Variants in ERI1 observed in about 807,000 individuals in gnomAD.
ERI1 encodes 3'-5' exoribonuclease 1.
In ERI1, 39 loss-of-function variants were observed where a neutral mutation model predicts 39.7. The observed-to-expected ratio is 0.98, with a 90% confidence interval of 0.76 to 1.28. ERI1 has a LOEUF of 1.28. Ranked by LOEUF, ERI1 falls within the 50% of genes most tolerant of loss-of-function variation. ERI1 has a pLI of 0.00. For synonymous variants in ERI1, 204 were observed against 149.6 expected, an observed-to-expected ratio of 1.36 and a Z score of -2.65; for missense variants, 581 against 416.9, an observed-to-expected ratio of 1.39 and a Z score of -3.43.
At chr8:9,075,149 A>T (rs1015702909) in intron 3 of ERI1, among the ~76,000 whole-genome samples, 1 of 152,228 alleles carries the variant, frequency 6.6e-6, no homozygotes, top group African/African-American at 2.4e-5. Flanking sequence ...TTCTAAATGA[A>T]TCTGACTATG....
intron 3 of ERI1, among the ~76,000 whole-genome samples, chr8:9,053,777 T>C (rs1261011930): frequency 6.6e-6 from 1 of 152,212 alleles, no homozygotes; most frequent in African/African-American, 2.4e-5. Context: ...CAGTGAATGT[T>C]AGAGAATTGA....
intron 3 of ERI1, among the ~76,000 whole-genome samples, chr8:9,095,149 A>G (rs1173227916): frequency 6.6e-6 from 1 of 152,222 alleles, no homozygotes; most frequent in Admixed American, 6.5e-5. Flanking sequence ...GCATGAGAGC[A>G]TCTGGCACGC....
rs181404252 is a variant in ERI1, at chr8:9,087,660, T to A, written n.300-28688T>A. On this transcript the variant is annotated intron_variant and non_coding_transcript_variant, in intron 3 of 3. Transcript: ENST00000518663. ...CACACGCAGATACAGACATCTTAGT[T>A]TGGAGATGTAGCAACACATTTCAAT... Among the ~76,000 whole-genome samples the A allele has an allele frequency of 6.8e-4, 103 of 152,302 alleles. 3 individuals carry two copies. The highest frequency in any genetic ancestry group is 6.7e-3 in the Admixed American group (102 of 15,296).
At chr8:9,097,553 C>T (rs183918700) in intron 3 of ERI1, among the ~76,000 whole-genome samples, 12 of 151,848 alleles carry the variant, frequency 7.9e-5, no homozygotes, top group African/African-American at 2.9e-4. Flanking sequence ...CCTGTAGTCC[C>T]AGCTACGCAG....
At chr8:9,056,108 C>T (rs917650212) in intron 3 of ERI1, among the ~76,000 whole-genome samples, 4 of 152,204 alleles carry the variant, frequency 2.6e-5, no homozygotes, top group Non-Finnish European at 5.9e-5. Context: ...TGCCTATGTG[C>T]TATGGGTTCC....
intron 3 of ERI1, among the ~76,000 whole-genome samples, chr8:9,079,453 A>AGG (rs1799307102): frequency 6.6e-6 from 1 of 152,232 alleles, no homozygotes; most frequent in Non-Finnish European, 1.5e-5. Flanking sequence ...AGCTATTTTA[A>AGG]ATAATGCAAA....
At chr8:9,061,108 C>T (rs1286774666) in intron 3 of ERI1, among the ~76,000 whole-genome samples, 1 of 152,112 alleles carries the variant, frequency 6.6e-6, no homozygotes. Context: ...GGAGCGGTAG[C>T]CTCAGTGATA....
chr8:9,015,121 G>C (rs12676024), intron 3 of ERI1, among the ~76,000 whole-genome samples: 3,772 of 152,278 alleles, frequency 0.025, 130 homozygotes, highest in East Asian at 0.19. Context: ...ACAGGCATTA[G>C]TCACCACATC....
chr8:9,058,133 G>C (rs1200105744), intron 3 of ERI1, among the ~76,000 whole-genome samples: 2 of 152,200 alleles, frequency 1.3e-5, no homozygotes, highest in African/African-American at 4.8e-5. Context: ...GGGGTCAAAG[G>C]CAGGAGCTGG....
chr8:9,061,636 T>G (rs1003519791), intron 3 of ERI1, among the ~76,000 whole-genome samples: 3 of 152,322 alleles, frequency 2.0e-5, no homozygotes, highest in African/African-American at 7.2e-5. Context: ...GCACTAACCA[T>G]GCCTGGGAAG....
chr8:9,014,837 G>C (rs1563317183), intron 3 of ERI1, among the ~76,000 whole-genome samples: 1 of 151,886 alleles, frequency 6.6e-6, no homozygotes, highest in African/African-American at 2.4e-5. Context: ...CTTTTGTTTT[G>C]TTTTGTTTTG....
chr8:9,083,134 G>A (rs1799419534), intron 3 of ERI1, among the ~76,000 whole-genome samples: 1 of 152,184 alleles, frequency 6.6e-6, no homozygotes, highest in African/African-American at 2.4e-5. Context: ...CAGCCAAACA[G>A]AGCTTTTATC....
At chr8:9,004,305 G>T in intron 1 of ERI1, 1 of 1,112,442 alleles carries the variant, frequency 9.0e-7, no homozygotes, top group African/African-American at 1.7e-5. Context: ...CTGTAAGTGG[G>T]TTTTAAAATA....
At chr8:9,088,615 T>G (rs1004456032) in intron 3 of ERI1, 1 of 152,086 alleles carries the variant, frequency 6.6e-6, no homozygotes, top group African/African-American at 2.4e-5. Flanking sequence ...TTATAAGTGG[T>G]GGGAGAGATG....
rs187317223 is a variant in ERI1, at chr8:9,055,062, C to G, written n.299+34598C>G. ...GAGTTTAATTGAGTAAACAACAATTCGCGAATCAGCAGCTGCCTGAGCCAG... is the reference window on the plus strand; with the variant it reads ...GAGTTTAATTGAGTAAACAACAATTGGCGAATCAGCAGCTGCCTGAGCCAG... On this transcript the variant is annotated intron_variant and non_coding_transcript_variant, in intron 3 of 3. Coordinates refer to the ERI1 transcript ENST00000518663. Among the ~76,000 whole-genome samples, 13 of 152,292 alleles carry G rather than the reference C, an allele frequency of 8.5e-5. No individual in the cohort carries two copies. The South Asian group carries it at 1.7e-3, about 19-fold the overall frequency.
At chr8:9,057,798 G>A (rs948637427) in intron 3 of ERI1, among the ~76,000 whole-genome samples, 1 of 152,214 alleles carries the variant, frequency 6.6e-6, no homozygotes, top group Non-Finnish European at 1.5e-5. Context: ...TGTAAAGTGT[G>A]GTCAGGACAG....
chr8:9,018,744 G>A (rs939563235), intron 5 of ERI1, among the ~76,000 whole-genome samples: 12 of 151,708 alleles, frequency 7.9e-5, no homozygotes, highest in South Asian at 2.1e-4. Flanking sequence ...CACGCTACCT[G>A]TTTAATCTAA....
At chr8:9,020,324 A>C in intron 5 of ERI1, 26 bp from the exon 6 acceptor site, 3 of 1,346,348 alleles carry the variant, frequency 2.2e-6, no homozygotes, top group Non-Finnish European at 3.1e-6. Context: ...TATTTCATCA[A>C]TTTTTTGTCC....
At chr8:9,028,973 GTTTTTTTTTTTTT>G (rs34569795) in intron 6 of ERI1, among the ~76,000 whole-genome samples, 4 of 113,104 alleles carry the variant, frequency 3.5e-5, no homozygotes, top group African/African-American at 1.3e-4. Context: ...GAGTGTGAGA[GTTTTTTTTTTTTT>G]TTTTTTTTTT....
Sources: allele counts gnomAD v4.1 joint callset (sites outside exome capture counted in the v4.1 genomes callset), GRCh38; gene constraint gnomAD v4.1.1; transcripts MANE v1.5; gene names NCBI Gene and HGNC (gene_info 2026-07-23, HGNC 2026-07-21).